CTF1: variants seen among roughly 807,000 people sequenced by gnomAD.
CTF1 encodes cardiotrophin-1.
In CTF1, 9 loss-of-function variants were observed where a neutral mutation model predicts 10.9. The ratio of observed to expected loss-of-function variants is 0.83; its 90% confidence interval spans 0.50 to 1.44. The LOEUF (loss-of-function observed/expected upper bound fraction) is 1.44. CTF1 is among the 40% of genes most tolerant of loss of function. The pLI is 0.00. For missense variants in CTF1, 259 were observed against 275.3 expected, an observed-to-expected ratio of 0.94 and a Z score of 0.42; for synonymous variants, 133 against 138.8, an observed-to-expected ratio of 0.96 and a Z score of 0.29.
chr16:30,896,083 C>T (rs191492477), upstream of CTF1, among the ~76,000 whole-genome samples: 1 of 151,812 alleles, frequency 6.6e-6, no homozygotes, highest in Non-Finnish European at 1.5e-5. Context: ...GTGATTGTTA[C>T]TAGGCCTGCT....
upstream of CTF1, among the ~76,000 whole-genome samples, chr16:30,896,076 A>G (rs982665588): frequency 2.7e-5 from 4 of 148,240 alleles, no homozygotes; most frequent in African/African-American, 9.9e-5. Context: ...GCGGGGTGTG[A>G]TTGTTACTAG....
Position 30,899,421 on chromosome 16 carries a change from C to G in CTF1, c.32C>G (p.Pro11Arg), listed in dbSNP as rs1043291296. ...CTCCCCCCTTTCCCACCAGAAGACC[C>G]CCAGACTGATTCCTCAGTCTCACTT... MSRREGSLED[P>R]QTDSSVSLLP... The change falls in exon 2 of 3, where the codon CCC becomes CGC. Residue 11 changes from proline to arginine, a missense_variant. Pro to Arg is a moderately radical substitution (Grantham distance 103). Coordinates refer to ENST00000279804, the MANE Select transcript of CTF1 (RefSeq NM_001330.5). 4 of 1,608,926 alleles carry G rather than the reference C, an allele frequency of 2.5e-6. No homozygotes were observed. Among genetic ancestry groups the G allele is most frequent in the Admixed American group, 3.3e-5 (2 of 60,002 alleles).
chr16:30,897,709 A>G (rs1209452203), intron 1 of CTF1, among the ~76,000 whole-genome samples: 2 of 151,906 alleles, frequency 1.3e-5, no homozygotes, highest in Non-Finnish European at 2.9e-5. Flanking sequence ...ACAAAAATTA[A>G]CCGGGCATGG....
At position 30,902,541 on chromosome 16, in the gene CTF1, C is replaced by T; in HGVS notation, c.*2C>T. ...CTGCTGCCCGGGGGCTCGGCCTGAG[C>T]GCCGCGGGGCAGCTCGCCCCGCCTC... On this transcript the variant is annotated 3_prime_UTR_variant, in exon 3 of 3. Transcript: ENST00000279804. 1.3e-6 allele frequency: 2 copies of T among 1,495,934 alleles called. No homozygotes were observed. The highest frequency in any genetic ancestry group is 2.7e-5 in the East Asian group (1 of 36,576). 92.7% of individuals were successfully genotyped at this position (1,495,934 alleles called of 1,614,324 possible). A position where few individuals can be genotyped will look rare whatever the true frequency, so the allele number is the denominator to read the frequency against.
rs1401083968 is a variant in CTF1, at chr16:30,903,000, C to T, written c.*461C>T. 3 of 154,234 alleles carry T rather than the reference C, an allele frequency of 1.9e-5. No homozygotes were observed. The highest frequency in any genetic ancestry group is 4.3e-5 in the Non-Finnish European group (3 of 69,052). The allele number at this position is 154,234 out of a possible 1,614,324, so 9.6% of individuals were successfully genotyped here. A position where few individuals can be genotyped will look rare whatever the true frequency, so the allele number is the denominator to read the frequency against. On this transcript the variant is annotated 3_prime_UTR_variant, in exon 3 of 3. Coordinates refer to ENST00000279804, the MANE Select transcript of CTF1 (RefSeq NM_001330.5). ...CTCTCTTTGCTTTGCCTGCCCCGTT[C>T]TCTTAACTCTTGGACCCTCCTCGTC...
Position 30,902,524 on chromosome 16 carries a change from C to A in CTF1, c.591C>A (p.Pro197=), listed in dbSNP as rs397516652. 2 of 1,496,436 alleles carry A rather than the reference C, an allele frequency of 1.3e-6. No individual in the cohort carries two copies. Among genetic ancestry groups the A allele is most frequent in the Admixed American group, 2.1e-5 (1 of 48,062 alleles). 92.7% of individuals were successfully genotyped at this position (1,496,436 alleles called of 1,614,324 possible). Residue 197 remains proline (P), a synonymous_variant, in exon 3 of 3, where the codon CCC becomes CCA. Coordinates refer to ENST00000279804, the MANE Select transcript of CTF1 (RefSeq NM_001330.5). ...RTEGDLGQLL[P]GGSA Reference sequence around the variant, plus strand: ...AGGGCGACCTGGGCCAGCTGCTGCCCGGGGGCTCGGCCTGAGCGCCGCGGG... The same window carrying A: ...AGGGCGACCTGGGCCAGCTGCTGCCAGGGGGCTCGGCCTGAGCGCCGCGGG...
rs1254190503 is a variant in CTF1 at position 30,897,970 on chromosome 16, T to G, written c.25+1302T>G. Among the ~76,000 whole-genome samples, 3 of 149,890 alleles carry G rather than the reference T, an allele frequency of 2.0e-5. No individual in the cohort carries two copies. The East Asian group carries it at 6.3e-4, about 31-fold the overall frequency. ...CCTGGGTTCAAGCAATTCTCCTGCC[T>G]CAGCCTCCCAAGTAGCTGGGACTAC... is the stretch of plus-strand genomic sequence containing the variant. On this transcript the variant is annotated intron_variant, in intron 1 of 2. Transcript: ENST00000279804.
intron 2 of CTF1, among the ~76,000 whole-genome samples, chr16:30,900,987 A>G (rs2055396395): frequency 6.6e-6 from 1 of 150,428 alleles, no homozygotes; most frequent in South Asian, 2.1e-4. Flanking sequence ...TCCGCCTCCC[A>G]GGTTCAAGGG....
At chr16:30,900,443 G>A (rs1453716466) in intron 2 of CTF1, among the ~76,000 whole-genome samples, 2 of 152,086 alleles carry the variant, frequency 1.3e-5, no homozygotes, top group Admixed American at 6.6e-5. Context: ...TTATGGCAGC[G>A]GATAGTGGGA....
intron 2 of CTF1, among the ~76,000 whole-genome samples, chr16:30,900,442 CGGATAGTGGGA>C (rs1407756679): frequency 6.6e-6 from 1 of 152,004 alleles, no homozygotes; most frequent in Non-Finnish European, 1.5e-5. Flanking sequence ...ATTATGGCAG[CGGATAGTGGGA>C]GAATAGTGGC....
At chr16:30,901,479 G>C (rs2055399636) in intron 2 of CTF1, among the ~76,000 whole-genome samples, 1 of 152,174 alleles carries the variant, frequency 6.6e-6, no homozygotes, top group African/African-American at 2.4e-5. Flanking sequence ...TAATAAAAGA[G>C]CTGACATTTT....
At position 30,902,666 on chromosome 16, in the gene CTF1, C is replaced by A; in HGVS notation, c.*127C>A. 1 of 1,293,172 alleles carries A rather than the reference C, an allele frequency of 7.7e-7. No individual in the cohort carries two copies. The highest frequency in any genetic ancestry group is 9.9e-7 in the Non-Finnish European group (1 of 1,010,588). The allele number at this position is 1,293,172 out of a possible 1,614,324, so 80.1% of individuals were successfully genotyped here. A position where few individuals can be genotyped will look rare whatever the true frequency, so the allele number is the denominator to read the frequency against. ...TAGCTGTCTCCATTGCCTCGGCCTT[C>A]TTTGCTTTTTGTGGGGGAGAGGGGA... On this transcript the variant is annotated 3_prime_UTR_variant, in exon 3 of 3. Transcript: ENST00000279804.
In CTF1 at chr16:30,902,548, G is replaced by C. The variant is rs766484224; in HGVS notation, c.*9G>C. 1 of 1,499,254 alleles carries C rather than the reference G, an allele frequency of 6.7e-7. No individual in the cohort carries two copies. The highest frequency in any genetic ancestry group is 8.9e-7 in the Non-Finnish European group (1 of 1,128,864). The allele number at this position is 1,499,254 out of a possible 1,614,324, so 92.9% of individuals were successfully genotyped here. On this transcript the variant is annotated 3_prime_UTR_variant, in exon 3 of 3. Coordinates refer to ENST00000279804, the MANE Select transcript of CTF1 (RefSeq NM_001330.5). ...CCGGGGGCTCGGCCTGAGCGCCGCG[G>C]GGCAGCTCGCCCCGCCTCCTCCCGC... is the stretch of plus-strand genomic sequence containing the variant.
rs1171316358 is a variant in CTF1 at position 30,902,568 on chromosome 16, T to C, written c.*29T>C. On this transcript the variant is annotated 3_prime_UTR_variant, in exon 3 of 3. Coordinates refer to ENST00000279804, the MANE Select transcript of CTF1 (RefSeq NM_001330.5). Reference sequence around the variant, plus strand: ...CCGCGGGGCAGCTCGCCCCGCCTCCTCCCGCTGGGTTCCGTCTCTCCTTCC... The same window carrying C: ...CCGCGGGGCAGCTCGCCCCGCCTCCCCCCGCTGGGTTCCGTCTCTCCTTCC... 4 of 1,490,156 alleles carry C rather than the reference T, an allele frequency of 2.7e-6. No homozygotes were observed. Among genetic ancestry groups the C allele is most frequent in the African/African-American group, 1.4e-5 (1 of 69,050 alleles). 92.3% of individuals were successfully genotyped at this position (1,490,156 alleles called of 1,614,324 possible).
rs2055354560 is a variant in CTF1, at chr16:30,896,720, AGG to A, written c.25+54_25+55del. On this transcript the variant is annotated intron_variant, in intron 1 of 2. Transcript: ENST00000279804. Reference sequence around the variant, plus strand: ...GGTCGCTGAGGGGCGCAGGAGTCAGAGGGATTGGGAGCTGGGGGTCTGGGTTT... The same window carrying A: ...GGTCGCTGAGGGGCGCAGGAGTCAGAGATTGGGAGCTGGGGGTCTGGGTTT... The A allele has an allele frequency of 1.2e-5, 15 of 1,248,184 alleles. No homozygotes were observed. The South Asian group carries it at 4.6e-4, about 38-fold the overall frequency. The allele number at this position is 1,248,184 out of a possible 1,614,324, so 77.3% of individuals were successfully genotyped here. A position where few individuals can be genotyped will look rare whatever the true frequency, so the allele number is the denominator to read the frequency against.
chr16:30,902,635 T>A lies in CTF1; in HGVS notation c.*96T>A, dbSNP rs2055416400. 1.5e-6 allele frequency: 2 copies of A among 1,357,320 alleles called. No individual in the cohort carries two copies. Among genetic ancestry groups the A allele is most frequent in the Non-Finnish European group, 1.9e-6 (2 of 1,047,210 alleles). 84.1% of individuals were successfully genotyped at this position (1,357,320 alleles called of 1,614,324 possible). ...CTGCCGCTGTCGGTGTCTGTCTGTC[T>A]GCTCTTAGCTGTCTCCATTGCCTCG... On this transcript the variant is annotated 3_prime_UTR_variant, in exon 3 of 3. Coordinates refer to ENST00000279804, the MANE Select transcript of CTF1 (RefSeq NM_001330.5).
chr16:30,898,281 G>GC (rs1383905893), intron 1 of CTF1, among the ~76,000 whole-genome samples: 3 of 151,748 alleles, frequency 2.0e-5, no homozygotes, highest in Admixed American at 6.6e-5. Context: ...CATGCCTCAG[G>GC]CCCCCTGGTA....
chr16:30,899,352 G>A (rs187644743), intron 1 of CTF1, 63 bp from the exon 2 acceptor site: 89 of 995,696 alleles, frequency 8.9e-5, no homozygotes, highest in African/African-American at 7.9e-4. Context: ...AAGAGCCAGC[G>A]TGGGAGAGGT....
At position 30,899,553 on chromosome 16, in the gene CTF1, G is replaced by A; in HGVS notation, c.144+20G>A. The A allele has an allele frequency of 8.1e-7, 1 of 1,230,380 alleles. No individual in the cohort carries two copies. The highest frequency in any genetic ancestry group is 1.2e-6 in the Non-Finnish European group (1 of 843,096). The allele number at this position is 1,230,380 out of a possible 1,614,324, so 76.2% of individuals were successfully genotyped here. ...GAATATGTGAGTGGGAATGGGGGTG[G>A]GGGTGCCGGGGGCCTGGGGAATGGG... On this transcript the variant is annotated intron_variant, in intron 2 of 2. Coordinates refer to ENST00000279804, the MANE Select transcript of CTF1 (RefSeq NM_001330.5).
Sources: gnomAD v4.1 joint callset for allele counts (sites outside exome capture counted in the v4.1 genomes callset) on GRCh38, gnomAD v4.1.1 for gene constraint, MANE v1.5 for transcripts, NCBI Gene and HGNC (gene_info 2026-07-23, HGNC 2026-07-21) for gene names.